FAM135B: variants seen among roughly 807,000 people sequenced by gnomAD.
FAM135B encodes family with sequence similarity 135 member B.
In FAM135B, 43 loss-of-function variants were observed where a neutral mutation model predicts 127.7. That is an observed-to-expected ratio of 0.34 (90% CI 0.26 to 0.43). The LOEUF (loss-of-function observed/expected upper bound fraction) is 0.43, where lower values mean the gene tolerates loss of function less well. Among genes scored for constraint, FAM135B ranks in the 20% least tolerant of loss-of-function variants. The pLI, the probability that FAM135B is intolerant of heterozygous loss-of-function variation, is 1.00. For missense variants in FAM135B, 1,558 were observed against 1,725.6 expected (o/e 0.90, Z 1.72); for synonymous variants, 670 against 665.1 (o/e 1.01, Z -0.11).
At chr8:138,133,315 A>C (rs943329975) in intron 19 of FAM135B, among the ~76,000 whole-genome samples, 1 of 152,188 alleles carries the variant, frequency 6.6e-6, no homozygotes, top group Non-Finnish European at 1.5e-5. Flanking sequence ...TTGTTTTTAC[A>C]ATTGTTAGTC....
rs867784255 is a variant in FAM135B at position 138,477,774 on chromosome 8, A to G, written c.-20+18897T>C. Among the ~76,000 whole-genome samples, 3 of 152,310 alleles carry G rather than the reference A, an allele frequency of 2.0e-5. No homozygotes were observed. In the South Asian group the frequency reaches 6.2e-4, roughly 32 times the overall value. ...ATGTTAGTGAAAGTCTAGTGAATGG[A>G]ATTAGGAGAAAGATACTTTGTCCTG... On this transcript the variant is annotated intron_variant, in intron 1 of 19. Coordinates refer to ENST00000395297, the MANE Select transcript of FAM135B (RefSeq NM_015912.4).
chr8:138,178,714 T>G (rs4909747), intron 9 of FAM135B, 24 bp from the exon 10 acceptor site: 1,012,328 of 1,610,408 alleles, frequency 0.63, 325,724 homozygotes, highest in East Asian at 0.98. Flanking sequence ...AAAGGTGGTA[T>G]TCAAGGCTCC....
At chr8:138,388,396 C>A (rs1238501307) in intron 1 of FAM135B, among the ~76,000 whole-genome samples, 3 of 152,142 alleles carry the variant, frequency 2.0e-5, no homozygotes, top group Non-Finnish European at 4.4e-5. Flanking sequence ...CTCCCCAGTA[C>A]CTACCCAAAG....
chr8:138,172,897 C>T (rs892864873), intron 11 of FAM135B, among the ~76,000 whole-genome samples: 1 of 152,212 alleles, frequency 6.6e-6, no homozygotes, highest in African/African-American at 2.4e-5. Flanking sequence ...CCTCCCCTAC[C>T]TCACCCATGG....
intron 3 of FAM135B, among the ~76,000 whole-genome samples, chr8:138,281,785 T>C (rs967492109): frequency 6.6e-6 from 1 of 152,186 alleles, no homozygotes; most frequent in African/African-American, 2.4e-5. Flanking sequence ...CTGTTTGTGT[T>C]ATACTGATTA....
chr8:138,194,573 T>G (rs926568092), intron 9 of FAM135B, among the ~76,000 whole-genome samples: 3 of 152,174 alleles, frequency 2.0e-5, no homozygotes, highest in Non-Finnish European at 1.5e-5. Flanking sequence ...TGAGAAACAC[T>G]GGTTTAACAG....
In FAM135B at chr8:138,152,182, T is replaced by G; in HGVS notation, c.2293A>C (p.Thr765Pro). 1 of 1,614,016 alleles carries G rather than the reference T, an allele frequency of 6.2e-7. No homozygotes were observed. Among genetic ancestry groups the G allele is most frequent in the Non-Finnish European group, 8.5e-7 (1 of 1,180,024 alleles). ...GCAGATACAGACTTGGTTAACTTAG[T>G]GAGTGCCACCTCCCGCTCATCCTCC... is the stretch of plus-strand genomic sequence containing the variant. ...FEEDEREVAL[T>P]KLTKSVSAPH... The change falls in exon 13 of 20, where the codon ACT (threonine) becomes CCT (proline). Residue 765 changes from threonine to proline, a missense_variant. Around this residue, in one of 5 missense-constraint regions of FAM135B, gnomAD observed 923 missense variants for 865.3 expected, o/e 1.07. Transcript: ENST00000395297.
intron 1 of FAM135B, among the ~76,000 whole-genome samples, chr8:138,429,149 G>A (rs1835065171): frequency 6.6e-6 from 1 of 152,150 alleles, no homozygotes; most frequent in Non-Finnish European, 1.5e-5. Context: ...AGTTGATGAG[G>A]TCTGGGAAGG....
At chr8:138,354,169 A>G (rs1829944188) in intron 2 of FAM135B, among the ~76,000 whole-genome samples, 1 of 152,088 alleles carries the variant, frequency 6.6e-6, no homozygotes. Context: ...TGTTACACAT[A>G]CAATCAAGCA....
intron 3 of FAM135B, among the ~76,000 whole-genome samples, chr8:138,304,374 A>G (rs745893447): frequency 4.4e-4 from 67 of 152,310 alleles, no homozygotes; most frequent in Non-Finnish European, 8.2e-4. Context: ...GGGACTGGAA[A>G]CACATTAAAA....
chr8:138,345,375 G>C (rs927781382), intron 2 of FAM135B, among the ~76,000 whole-genome samples: 1 of 152,206 alleles, frequency 6.6e-6, no homozygotes, highest in African/African-American at 2.4e-5. Flanking sequence ...GCATGAGCAG[G>C]AGTTGGCGAG....
intron 7 of FAM135B, among the ~76,000 whole-genome samples, chr8:138,230,242 G>T (rs945500082): frequency 3.9e-5 from 6 of 152,124 alleles, no homozygotes; most frequent in African/African-American, 1.4e-4. Flanking sequence ...CACACCTAGA[G>T]TAACCACATT....
At chr8:138,266,283 A>G (rs1414932016) in intron 3 of FAM135B, among the ~76,000 whole-genome samples, 1 of 152,134 alleles carries the variant, frequency 6.6e-6, no homozygotes, top group African/African-American at 2.4e-5. Flanking sequence ...TCCCTTCTCA[A>G]AGGTGCTGCT....
At chr8:138,225,245 T>C (rs1819323907) in intron 7 of FAM135B, among the ~76,000 whole-genome samples, 1 of 151,566 alleles carries the variant, frequency 6.6e-6, no homozygotes, top group Non-Finnish European at 1.5e-5. Context: ...AAAAAATAAA[T>C]AGAAAGAAAA....
chr8:138,469,856 C>T (rs927151854), intron 1 of FAM135B, among the ~76,000 whole-genome samples: 1 of 152,148 alleles, frequency 6.6e-6, no homozygotes, highest in Non-Finnish European at 1.5e-5. Context: ...CTCAAGCTAG[C>T]AGCATTAATT....
Position 138,286,705 on chromosome 8 carries a change from C to T in FAM135B, c.158-20863G>A, listed in dbSNP as rs1016895139. Among the ~76,000 whole-genome samples the T allele has an allele frequency of 2.0e-5, 3 of 152,144 alleles. No homozygotes were observed. In the East Asian group the frequency reaches 5.8e-4, roughly 29 times the overall value. On this transcript the variant is annotated intron_variant, in intron 3 of 19. Transcript: ENST00000395297. ...AGTTGTCCTGGTGCCATTTTAAGGC[C>T]CAAGACTCCAGCAGGAGATTTCTGT...
chr8:138,377,911 G>A (rs573952988), intron 1 of FAM135B, among the ~76,000 whole-genome samples: 71 of 152,328 alleles, frequency 4.7e-4, no homozygotes, highest in Non-Finnish European at 8.4e-4. Flanking sequence ...GATCACTGCA[G>A]GGAATATCTG....
chr8:138,333,766 T>C (rs932724810), intron 2 of FAM135B, among the ~76,000 whole-genome samples: 9 of 152,304 alleles, frequency 5.9e-5, no homozygotes, highest in African/African-American at 2.2e-4. Context: ...TAACCCAAGA[T>C]CCTGATTCAG....
At chr8:138,469,595 T>C (rs938540687) in intron 1 of FAM135B, among the ~76,000 whole-genome samples, 1 of 152,174 alleles carries the variant, frequency 6.6e-6, no homozygotes, top group South Asian at 2.1e-4. Flanking sequence ...TACCAAGAGA[T>C]GGTTACAGAG....
Sources: gnomAD v4.1 joint callset for allele counts (sites outside exome capture counted in the v4.1 genomes callset) on GRCh38, gnomAD v4.1.1 for gene constraint, gnomAD v4.1.1 regional missense constraint, MANE v1.5 for transcripts, NCBI Gene and HGNC (gene_info 2026-07-23, HGNC 2026-07-21) for gene names.